Variants in ABCB5 observed in about 807,000 individuals in gnomAD.
The protein encoded by ABCB5 is ATP-binding cassette sub-family B member 5.
A neutral mutation model predicts 144.2 loss-of-function variants in ABCB5; 155 were observed. That is an observed-to-expected ratio of 1.08 (90% CI 0.94 to 1.23). The LOEUF (loss-of-function observed/expected upper bound fraction) is 1.23, where lower values mean the gene tolerates loss of function less well. Among genes scored for constraint, ABCB5 ranks in the 50% most tolerant of loss-of-function variants. The pLI is 0.00. For synonymous variants in ABCB5, 610 were observed against 528.6 expected, an observed-to-expected ratio of 1.15 and a Z score of -2.11; for missense variants, 1,830 against 1,520.8, an observed-to-expected ratio of 1.20 and a Z score of -3.38.
chr7:20,723,680 T>C (rs1420481462), intron 21 of ABCB5, among the ~76,000 whole-genome samples: 1 of 152,236 alleles, frequency 6.6e-6, no homozygotes, highest in Non-Finnish European at 1.5e-5. Flanking sequence ...CCATTATTAC[T>C]GGGGAAGTTT....
intron 4 of ABCB5, 123 bp downstream of exon 4, chr7:20,628,961 A>C (rs1583377631): frequency 8.7e-7 from 1 of 1,152,526 alleles, no homozygotes; most frequent in East Asian, 2.6e-5. Context: ...ATATGTATTT[A>C]AGTCATTTAT....
At chr7:20,670,704 G>A (rs142507334) in intron 14 of ABCB5, among the ~76,000 whole-genome samples, 1,687 of 152,292 alleles carry the variant, frequency 0.011, 28 homozygotes, top group South Asian at 0.045. Context: ...GAGGTCGGGA[G>A]TTTGAGACCA....
At chr7:20,688,370 A>T (rs990467428) in intron 16 of ABCB5, among the ~76,000 whole-genome samples, 1 of 152,158 alleles carries the variant, frequency 6.6e-6, no homozygotes, top group Non-Finnish European at 1.5e-5. Context: ...ATGAATCATT[A>T]AGAGGGGATT....
Position 20,738,355 on chromosome 7 carries a change from C to T in ABCB5, c.2868-628C>T, listed in dbSNP as rs148919206. The stretch of plus-strand genomic sequence containing the variant: ...CTTCCAAACATCATTTGCACACTTA[C>T]CATTTTATAATTAACATGTTTTGAA... On this transcript the variant is annotated intron_variant, in intron 23 of 27. Transcript: ENST00000404938. Among the ~76,000 whole-genome samples, 657 of 152,284 alleles carry T rather than the reference C, an allele frequency of 4.3e-3. 6 individuals are homozygous for T. The highest frequency in any genetic ancestry group is 0.015 in the African/African-American group (618 of 41,562).
intron 1 of ABCB5, among the ~76,000 whole-genome samples, chr7:20,622,021 C>G (rs1189267982): frequency 2.0e-5 from 3 of 152,092 alleles, no homozygotes; most frequent in Non-Finnish European, 4.4e-5. Context: ...CGTGCTTTAC[C>G]TGGATACTAA....
At chr7:20,716,597 G>T (rs1437045215) in intron 20 of ABCB5, among the ~76,000 whole-genome samples, 1 of 152,054 alleles carries the variant, frequency 6.6e-6, no homozygotes, top group African/African-American at 2.4e-5. Context: ...AGTTTTCATG[G>T]ACACACTTAT....
Position 20,681,622 on chromosome 7 carries a change from C to G in ABCB5, c.1825C>G (p.Leu609Val), listed in dbSNP as rs550329623. 3 of 1,614,166 alleles carry G rather than the reference C, an allele frequency of 1.9e-6. No individual in the cohort carries two copies. The East Asian group carries it at 6.7e-5, about 36-fold the overall frequency. ...MLAEKGAHAE[L>V]MAKRGLYYSL... Reference sequence around the variant, plus strand: ...GGCGGAGAAAGGAGCACATGCTGAACTAATGGCAAAACGAGGTCTATATTA... The same window carrying G: ...GGCGGAGAAAGGAGCACATGCTGAAGTAATGGCAAAACGAGGTCTATATTA... The change falls in exon 15 of 28, where the codon CTA becomes GTA. Residue 609 changes from leucine (L) to valine (V), a missense_variant. Physicochemically the swap from Leu to Val is conservative, Grantham distance 32 (BLOSUM62 1). Coordinates refer to ENST00000404938, the MANE Select transcript of ABCB5 (RefSeq NM_001163941.2).
chr7:20,678,175 A>T lies in ABCB5; in HGVS notation c.1708-3330A>T, dbSNP rs145827264. Among the ~76,000 whole-genome samples the T allele has an allele frequency of 1.6e-3, 242 of 152,332 alleles. 1 individual carries two copies. Among genetic ancestry groups the T allele is most frequent in the African/African-American group, 5.7e-3 (235 of 41,584 alleles). ...TTTTTATGGGAAATTTTTTTAAAACATAATTATAATAGGATACATATTTTT... is the reference window on the plus strand; with the variant it reads ...TTTTTATGGGAAATTTTTTTAAAACTTAATTATAATAGGATACATATTTTT... On this transcript the variant is annotated intron_variant, in intron 14 of 27. Coordinates refer to ENST00000404938, the MANE Select transcript of ABCB5 (RefSeq NM_001163941.2).
At chr7:20,636,696 A>T (rs755254200) in intron 5 of ABCB5, among the ~76,000 whole-genome samples, 11 of 151,306 alleles carry the variant, frequency 7.3e-5, no homozygotes, top group Middle Eastern at 3.2e-3. Flanking sequence ...GAGGCAGGAG[A>T]ATCACCTGAA....
At chr7:20,690,044 C>A (rs1295953703) in intron 16 of ABCB5, among the ~76,000 whole-genome samples, 1 of 152,152 alleles carries the variant, frequency 6.6e-6, no homozygotes, top group Non-Finnish European at 1.5e-5. Context: ...TAACAAAAAA[C>A]CTTCAGGAGT....
chr7:20,666,684 T>G, intron 14 of ABCB5: 5 of 1,528,660 alleles, frequency 3.3e-6, no homozygotes, highest in Non-Finnish European at 4.4e-6. Context: ...CCTAATTGTT[T>G]GGCTTTTAGC....
chr7:20,689,937 C>A (rs979263732), intron 16 of ABCB5, among the ~76,000 whole-genome samples: 1 of 152,174 alleles, frequency 6.6e-6, no homozygotes. Flanking sequence ...CAATGACTAA[C>A]GACAGGGGTA....
chr7:20,727,086 C>A lies in ABCB5; in HGVS notation c.2672C>A (p.Thr891Lys). The A allele has an allele frequency of 2.7e-5, 43 of 1,613,564 alleles. No homozygotes were observed. The highest frequency in any genetic ancestry group is 3.6e-5 in the Non-Finnish European group (43 of 1,179,734). Residue 891 changes from threonine to lysine, a missense_variant, in exon 22 of 28, where the codon ACA becomes AAA. Thr to Lys is a moderately conservative substitution (Grantham distance 78). Coordinates refer to ENST00000404938, the MANE Select transcript of ABCB5 (RefSeq NM_001163941.2). ...LENIRTIVSL[T>K]REKAFEQMYE... Reference sequence around the variant, plus strand: ...AATATACGTACTATAGTGTCATTAACAAGGGAAAAAGCCTTCGAGCAAATG... The same window carrying A: ...AATATACGTACTATAGTGTCATTAAAAAGGGAAAAAGCCTTCGAGCAAATG...
chr7:20,659,240 C>T lies in ABCB5; in HGVS notation c.1707+564C>T, dbSNP rs546023714. Reference sequence around the variant, plus strand: ...GCAGTTGTGGCCCTGCACCAAATTACACTGAATCTAGGAGGGGAGTTGGCA... The same window carrying T: ...GCAGTTGTGGCCCTGCACCAAATTATACTGAATCTAGGAGGGGAGTTGGCA... On this transcript the variant is annotated intron_variant, in intron 14 of 27. Coordinates refer to ENST00000404938, the MANE Select transcript of ABCB5 (RefSeq NM_001163941.2). 7 of 1,551,330 alleles carry T rather than the reference C, an allele frequency of 4.5e-6. No individual in the cohort carries two copies. The African/African-American group carries it at 8.2e-5, about 18-fold the overall frequency.
chr7:20,723,377 T>A (rs1319078549), intron 21 of ABCB5, among the ~76,000 whole-genome samples, 158 bp downstream of exon 21: 1 of 152,196 alleles, frequency 6.6e-6, no homozygotes, highest in Non-Finnish European at 1.5e-5. Context: ...GAGAAATGCA[T>A]ACAGACCAAT....
chr7:20,645,986 A>C lies in ABCB5; in HGVS notation c.829A>C (p.Lys277Gln). ...QRYTQNLKDA[K>Q]DFGIKRTIAS... is the part of the protein sequence containing the mutation. ...GTATACACAGAATCTCAAAGATGCA[A>C]AGGATTTTGGCATAAAAAGGACTAT... Residue 277 changes from lysine (K) to glutamine (Q), a missense_variant, in exon 9 of 28, where the codon AAG becomes CAG. Physicochemically the swap from Lys to Gln is moderately conservative, Grantham distance 53 (BLOSUM62 1). Transcript: ENST00000404938. 4.3e-6 allele frequency: 7 copies of C among 1,613,674 alleles called. No individual in the cohort carries two copies. Among genetic ancestry groups the C allele is most frequent in the Admixed American group, 1.7e-5 (1 of 59,960 alleles).
intron 20 of ABCB5, among the ~76,000 whole-genome samples, chr7:20,718,445 T>C (rs1426613203): frequency 1.3e-5 from 2 of 152,218 alleles, no homozygotes; most frequent in African/African-American, 4.8e-5. Context: ...CTTGTCGATC[T>C]TAGTTTTCAG....
At chr7:20,659,592 G>A in intron 14 of ABCB5, 1 of 993,724 alleles carries the variant, frequency 1.0e-6, no homozygotes, top group Non-Finnish European at 1.2e-6. Context: ...TGTTGCTTGT[G>A]TGATAAATAA....
chr7:20,687,414 CAAT>C (rs1554284833), intron 16 of ABCB5, among the ~76,000 whole-genome samples: 1 of 152,120 alleles, frequency 6.6e-6, no homozygotes, highest in Non-Finnish European at 1.5e-5. Context: ...TGAGAAAAAA[CAAT>C]AAAATGTATC....
Sources: allele counts gnomAD v4.1 joint callset (sites outside exome capture counted in the v4.1 genomes callset), GRCh38; gene constraint gnomAD v4.1.1; transcripts MANE v1.5; gene names NCBI Gene and HGNC (gene_info 2026-07-23, HGNC 2026-07-21).